UBE2E3: variants seen among roughly 807,000 people sequenced by gnomAD.
UBE2E3 encodes the protein ubiquitin-conjugating enzyme E2 E3.
A neutral mutation model predicts 23.6 loss-of-function variants in UBE2E3; 5 were observed. The observed-to-expected ratio is 0.21, with a 90% CI of 0.11 to 0.44. The LOEUF (loss-of-function observed/expected upper bound fraction) is 0.44. Among genes scored for constraint, UBE2E3 ranks in the 20% least tolerant of loss-of-function variants. The pLI is 0.99. For missense variants in UBE2E3, 81 were observed against 249.8 expected (o/e 0.32, Z 4.55); for synonymous variants, 78 against 87.5 (o/e 0.89, Z 0.60).
intron 3 of UBE2E3, among the ~76,000 whole-genome samples, chr2:181,030,970 T>C (rs1686060365): frequency 1.3e-5 from 2 of 152,174 alleles, no homozygotes; most frequent in Admixed American, 6.5e-5. Context: ...GTTTATACTA[T>C]TACGTTTGTT....
chr2:181,024,480 G>A (rs1466748299), intron 3 of UBE2E3, among the ~76,000 whole-genome samples: 2 of 152,034 alleles, frequency 1.3e-5, no homozygotes, highest in Non-Finnish European at 2.9e-5. Flanking sequence ...ATTAGGTAGC[G>A]CTGCAATAAA....
At chr2:181,030,037 T>C (rs1297650677) in intron 3 of UBE2E3, among the ~76,000 whole-genome samples, 1 of 152,000 alleles carries the variant, frequency 6.6e-6, no homozygotes, top group Non-Finnish European at 1.5e-5. Context: ...TTTCATCATG[T>C]TGGCCAGGAT....
rs537137383 is a variant in UBE2E3 at position 181,030,041 on chromosome 2, C to A, written c.246-27652C>A. Among the ~76,000 whole-genome samples, 3 of 151,964 alleles carry A rather than the reference C, an allele frequency of 2.0e-5. No homozygotes were observed. In the East Asian group the frequency reaches 5.8e-4, roughly 29 times the overall value. On this transcript the variant is annotated intron_variant, in intron 3 of 5. Coordinates refer to ENST00000410062, the MANE Select transcript of UBE2E3 (RefSeq NM_006357.4). ...TAGAGACCAGGTTTCATCATGTTGG[C>A]CAGGATTTTCTTGATTCCTTGACCT...
At chr2:181,060,858 GTGCTTTT>G in intron 5 of UBE2E3, 46 bp downstream of exon 5, 1 of 404,104 alleles carries the variant, frequency 2.5e-6, no homozygotes, top group Non-Finnish European at 3.7e-6. Flanking sequence ...ACAAAAACGA[GTGCTTTT>G]TTTTTTTTTT....
intron 3 of UBE2E3, among the ~76,000 whole-genome samples, chr2:181,020,873 T>A (rs1829366): frequency 0.23 from 35,334 of 152,124 alleles, 4,457 homozygotes; most frequent in Non-Finnish European, 0.28. Flanking sequence ...TGGTTGTAGG[T>A]GACTGGATGG....
intron 3 of UBE2E3, chr2:180,987,541 G>A (rs188001469): frequency 9.5e-6 from 9 of 945,534 alleles, no homozygotes; most frequent in Middle Eastern, 2.4e-4. Context: ...GTTTCTTGAT[G>A]TGGGAAAGGC....
At chr2:181,036,594 G>A (rs935555485) in intron 3 of UBE2E3, among the ~76,000 whole-genome samples, 12 of 152,140 alleles carry the variant, frequency 7.9e-5, no homozygotes, top group Non-Finnish European at 1.8e-4. Context: ...AGGGGGTGTG[G>A]GGGTTATGTG....
intron 3 of UBE2E3, among the ~76,000 whole-genome samples, chr2:181,005,530 T>C (rs1405752649): frequency 6.6e-6 from 1 of 151,712 alleles, no homozygotes; most frequent in African/African-American, 2.4e-5. Flanking sequence ...GTAGCAAAAT[T>C]AGTATGTATC....
intron 3 of UBE2E3, among the ~76,000 whole-genome samples, chr2:180,989,474 TATG>T: frequency 6.6e-6 from 1 of 152,164 alleles, no homozygotes. Flanking sequence ...TTTTCATAAT[TATG>T]ATACTTAATA....
At chr2:180,995,123 C>T (rs540212919) in intron 3 of UBE2E3, among the ~76,000 whole-genome samples, 10 of 152,090 alleles carry the variant, frequency 6.6e-5, no homozygotes, top group South Asian at 4.2e-4. Context: ...TTGTGTATTG[C>T]GGTAAAAAGT....
chr2:181,061,088 A>G (rs2105484459), intron 5 of UBE2E3, among the ~76,000 whole-genome samples: 2 of 149,806 alleles, frequency 1.3e-5, no homozygotes, highest in South Asian at 4.2e-4. Flanking sequence ...TTTTAAAAGT[A>G]TTTAGGTGCA....
At chr2:181,018,305 AC>A (rs1232179958) in intron 3 of UBE2E3, among the ~76,000 whole-genome samples, 1 of 152,212 alleles carries the variant, frequency 6.6e-6, no homozygotes, top group African/African-American at 2.4e-5. Context: ...ATACATAAAT[AC>A]ATATCCACAC....
At chr2:180,997,980 A>G (rs1364795119) in intron 3 of UBE2E3, among the ~76,000 whole-genome samples, 2 of 152,108 alleles carry the variant, frequency 1.3e-5, no homozygotes, top group Non-Finnish European at 2.9e-5. Flanking sequence ...ACCGGGCACT[A>G]GGACTGGGTA....
intron 3 of UBE2E3, among the ~76,000 whole-genome samples, chr2:181,025,277 C>CTCTTAA (rs1685848509): frequency 6.6e-6 from 1 of 151,930 alleles, no homozygotes; most frequent in South Asian, 2.1e-4. Flanking sequence ...AGAAACCTTG[C>CTCTTAA]TCTTAACATT....
intron 3 of UBE2E3, among the ~76,000 whole-genome samples, chr2:180,986,794 A>G (rs1684484118): frequency 2.0e-5 from 3 of 152,128 alleles, no homozygotes; most frequent in Admixed American, 6.6e-5. Flanking sequence ...CAGGGAAGAA[A>G]TGTAAAGTAT....
At chr2:181,038,662 G>C (rs898470991) in intron 3 of UBE2E3, among the ~76,000 whole-genome samples, 8 of 152,262 alleles carry the variant, frequency 5.3e-5, no homozygotes, top group Middle Eastern at 6.8e-3. Context: ...ATCACAGAAA[G>C]GGAGAAAATA....
In UBE2E3 at chr2:181,021,652, CTTCCTTCCTTCCTTCT is replaced by C. The variant is rs1327910139; in HGVS notation, c.246-36028_246-36013del. Among the ~76,000 whole-genome samples, 670 of 133,518 alleles carry C rather than the reference CTTCCTTCCTTCCTTCT, an allele frequency of 5.0e-3. 14 individuals are homozygous for C. The highest frequency in any genetic ancestry group is 0.018 in the African/African-American group (620 of 35,348). 87.6% of individuals were successfully genotyped at this position (133,518 alleles called of 152,430 possible). ...CCTTTTTTCCTTCCTTCCTTCCTTC[CTTCCTTCCTTCCTTCT>C]TTCCTTCCTTCCCAACTTTTCTTTT... On this transcript the variant is annotated intron_variant, in intron 3 of 5. Coordinates refer to ENST00000410062, the MANE Select transcript of UBE2E3 (RefSeq NM_006357.4).
intron 3 of UBE2E3, among the ~76,000 whole-genome samples, chr2:181,051,957 G>A (rs779956462): frequency 6.6e-6 from 1 of 151,714 alleles, no homozygotes; most frequent in African/African-American, 2.4e-5. Flanking sequence ...ATAAAATTTT[G>A]TATAGAGTCT....
intron 3 of UBE2E3, among the ~76,000 whole-genome samples, chr2:181,051,183 A>G (rs1686835961): frequency 6.6e-6 from 1 of 151,862 alleles, no homozygotes; most frequent in Non-Finnish European, 1.5e-5. Flanking sequence ...ACTTGAATAA[A>G]TGGTATTAAA....
Sources: allele counts gnomAD v4.1 joint callset (sites outside exome capture counted in the v4.1 genomes callset), GRCh38; gene constraint gnomAD v4.1.1; transcripts MANE v1.5; gene names NCBI Gene and HGNC (gene_info 2026-07-23, HGNC 2026-07-21).